Variants in KCNK5 observed in about 807,000 individuals in gnomAD.
KCNK5 encodes potassium channel subfamily K member 5.
A neutral mutation model predicts 32.9 loss-of-function variants in KCNK5; 18 were observed. That is an observed-to-expected ratio of 0.55 (90% confidence interval 0.38 to 0.81). KCNK5 has a LOEUF of 0.81. Ranked by LOEUF, KCNK5 falls within the 30% of genes least tolerant of loss-of-function variation. The pLI, the probability that KCNK5 is intolerant of heterozygous loss-of-function variation, is 0.00. For missense variants in KCNK5, 507 were observed against 651.0 expected (o/e 0.78, Z 2.41); for synonymous variants, 276 against 275.3 (o/e 1.00, Z -0.03).
chr6:39,209,399 C>T (rs1004254693), intron 1 of KCNK5, among the ~76,000 whole-genome samples: 1 of 152,194 alleles, frequency 6.6e-6, no homozygotes, highest in African/African-American at 2.4e-5. Flanking sequence ...TGCCCCCGCC[C>T]ACCATCCATC....
At chr6:39,223,973 G>A (rs1771605579) in intron 1 of KCNK5, among the ~76,000 whole-genome samples, 1 of 151,860 alleles carries the variant, frequency 6.6e-6, no homozygotes, top group Non-Finnish European at 1.5e-5. Context: ...CTATTACTGT[G>A]CCATCTGTAA....
chr6:39,216,893 G>A (rs1335388099), intron 1 of KCNK5, among the ~76,000 whole-genome samples: 1 of 151,972 alleles, frequency 6.6e-6, no homozygotes, highest in African/African-American at 2.4e-5. Flanking sequence ...AGGCTGAGGC[G>A]GGCAGATCAC....
rs147546812 is a variant in KCNK5 at position 39,195,787 on chromosome 6, A to G, written c.298+89T>C. Reference sequence around the variant, plus strand: ...CAACTGATCTGATTGTACCCCCAACAGGGCTGAGTGACCAGAGCTGGGTTT... The same window carrying G: ...CAACTGATCTGATTGTACCCCCAACGGGGCTGAGTGACCAGAGCTGGGTTT... On this transcript the variant is annotated intron_variant, in intron 2 of 4. Coordinates refer to ENST00000359534, the MANE Select transcript of KCNK5 (RefSeq NM_003740.4). 5.1e-4 allele frequency: 424 copies of G among 832,946 alleles called. 2 individuals are homozygous for G. In the African/African-American group the frequency reaches 5.8e-3, roughly 11 times the overall value. The allele number at this position is 832,946 out of a possible 1,614,324, so 51.6% of individuals were successfully genotyped here.
intron 1 of KCNK5, among the ~76,000 whole-genome samples, chr6:39,222,323 A>T (rs1189270733): frequency 1.3e-5 from 2 of 152,222 alleles, no homozygotes; most frequent in African/African-American, 4.8e-5. Flanking sequence ...GAAAACCCAC[A>T]CTACATCACA....
rs796101281 is a variant in KCNK5 at position 39,218,335 on chromosome 6, G to A, written c.186+10591C>T. ...CCACCCGCCTAGGCCTCCCGAAGTG[G>A]TGGGATTATAAGCATGAGCCACCAC... On this transcript the variant is annotated intron_variant, in intron 1 of 4. Transcript: ENST00000359534. Among the ~76,000 whole-genome samples, 11 of 152,242 alleles carry A rather than the reference G, an allele frequency of 7.2e-5. No individual in the cohort carries two copies. In the South Asian group the frequency reaches 2.3e-3, roughly 32 times the overall value.
In KCNK5 at chr6:39,202,618, A is replaced by G. The variant is rs560002780; in HGVS notation, c.187-6631T>C. Among the ~76,000 whole-genome samples the G allele has an allele frequency of 3.9e-3, 596 of 152,334 alleles. 3 individuals are homozygous for G. The highest frequency in any genetic ancestry group is 5.6e-3 in the South Asian group (27 of 4,830). On this transcript the variant is annotated intron_variant, in intron 1 of 4. Transcript: ENST00000359534. ...TCCCCTTGGGAAACTCCACGAGGGC[A>G]GTAAATGTACCGAGAGCAGGCAAAG... is the stretch of plus-strand genomic sequence containing the variant.
intron 1 of KCNK5, among the ~76,000 whole-genome samples, chr6:39,213,211 A>G (rs1247149384): frequency 6.6e-6 from 1 of 152,242 alleles, no homozygotes; most frequent in Non-Finnish European, 1.5e-5. Context: ...CCAGTGTGGA[A>G]GTGGGTAATG....
At chr6:39,193,065 A>AC (rs1289610675) in intron 4 of KCNK5, among the ~76,000 whole-genome samples, 1 of 152,222 alleles carries the variant, frequency 6.6e-6, no homozygotes, top group Non-Finnish European at 1.5e-5. Context: ...GCCAGGCCCT[A>AC]CCCTTAACAC....
Position 39,191,546 on chromosome 6 carries a change from T to C in KCNK5, c.844A>G (p.Ser282Gly). 6.2e-7 allele frequency: 1 copy of C among 1,613,966 alleles called. No individual in the cohort carries two copies. Among genetic ancestry groups the C allele is most frequent in the East Asian group, 2.2e-5 (1 of 44,846 alleles). ...ATGTTGACGTCCTTGGAGGCTGTGC[T>C]CCCCTTCACCTGCAGGGCCTTCCGG... ...HSRKALQVKG[S>G]TASKDVNIFS... Residue 282 changes from serine to glycine, a missense_variant, in exon 5 of 5, where the codon AGC (serine) becomes GGC (glycine). This residue lies in a region of KCNK5 where 42 missense variants were observed against 35.3 expected (regional missense o/e 1.19). Transcript: ENST00000359534. This position sits in a 1 kb window ranked among gnomAD's most constrained non-coding sequence, Gnocchi z 5.8.
chr6:39,195,872 T>A lies in KCNK5; in HGVS notation c.298+4A>T, dbSNP rs1476115967. ...GGGTGTCCTACAGGTCCCAGAAGAC[T>A]TACCAATGGTGGTAATGACGGTCGC... is the stretch of plus-strand genomic sequence containing the variant. On this transcript the variant is annotated splice_donor_region_variant and intron_variant, in intron 2 of 4. Transcript: ENST00000359534. 6.2e-7 allele frequency: 1 copy of A among 1,611,332 alleles called. No homozygotes were observed. Among genetic ancestry groups the A allele is most frequent in the East Asian group, 2.2e-5 (1 of 44,850 alleles).
At chr6:39,226,398 CG>C (rs1308243799) in intron 1 of KCNK5, among the ~76,000 whole-genome samples, 3 of 152,156 alleles carry the variant, frequency 2.0e-5, no homozygotes, top group African/African-American at 7.2e-5. Context: ...TCTGACAATT[CG>C]GGGGGTATTT....
In KCNK5 at chr6:39,218,328, C is replaced by T. The variant is rs150891564; in HGVS notation, c.186+10598G>A. The stretch of plus-strand genomic sequence containing the variant: ...TTGTGATCCACCCGCCTAGGCCTCC[C>T]GAAGTGGTGGGATTATAAGCATGAG... On this transcript the variant is annotated intron_variant, in intron 1 of 4. Coordinates refer to ENST00000359534, the MANE Select transcript of KCNK5 (RefSeq NM_003740.4). Among the ~76,000 whole-genome samples, 322 of 152,202 alleles carry T rather than the reference C, an allele frequency of 2.1e-3. 5 individuals are homozygous for T. Among genetic ancestry groups the T allele is most frequent in the African/African-American group, 7.0e-3 (291 of 41,524 alleles).
intron 1 of KCNK5, among the ~76,000 whole-genome samples, chr6:39,217,052 G>A (rs1348174259): frequency 4.2e-5 from 6 of 143,790 alleles, no homozygotes; most frequent in Non-Finnish European, 7.6e-5. Context: ...TCCGGGAGGC[G>A]GAGGTTGCAG....
chr6:39,209,028 T>C (rs1771280001), intron 1 of KCNK5, among the ~76,000 whole-genome samples: 2 of 151,138 alleles, frequency 1.3e-5, no homozygotes, highest in South Asian at 4.2e-4. Flanking sequence ...GAGATGGAGG[T>C]TGCAGTGAGC....
chr6:39,209,598 G>C (rs1771292125), intron 1 of KCNK5, among the ~76,000 whole-genome samples: 1 of 152,236 alleles, frequency 6.6e-6, no homozygotes, highest in African/African-American at 2.4e-5. Context: ...CAGGCAACAG[G>C]AAATGGAAAT....
rs532038790 is a variant in KCNK5, at chr6:39,191,353, A to G, written c.1037T>C (p.Val346Ala). ...GGTGGGCACCCGGTTCTTGGAGTAG[A>G]CTACCAGGGGCACCAGGGAAGGGGG... ...ALPPSLVPLV[V>A]YSKNRVPTLE... The change falls in exon 5 of 5, where the codon GTC becomes GCC. Residue 346 changes from valine to alanine, a missense_variant. Physicochemically the swap from Val to Ala is moderately conservative, Grantham distance 64. This residue lies in a region of KCNK5 where 252 missense variants were observed against 250.8 expected (regional missense o/e 1.00). Coordinates refer to ENST00000359534, the MANE Select transcript of KCNK5 (RefSeq NM_003740.4). This position sits in a 1 kb window ranked among gnomAD's most constrained non-coding sequence, Gnocchi z 5.8. The G allele has an allele frequency of 3.1e-6, 5 of 1,613,730 alleles. No homozygotes were observed. In the South Asian group the frequency reaches 4.4e-5, roughly 14 times the overall value.
rs1770934065 is a variant in KCNK5 at position 39,191,473 on chromosome 6, T to C, written c.917A>G (p.Lys306Arg). ...KKEETYNDLI[K>R]QIGKKAMKTS... Reference sequence around the variant, plus strand: ...CTTCATGGCCTTCTTCCCGATCTGCTTGATGAGGTCGTTGTAGGTCTCTTC... The same window carrying C: ...CTTCATGGCCTTCTTCCCGATCTGCCTGATGAGGTCGTTGTAGGTCTCTTC... Residue 306 changes from lysine (K) to arginine (R), a missense_variant, in exon 5 of 5, where the codon AAG (lysine) becomes AGG (arginine). Coordinates refer to ENST00000359534, the MANE Select transcript of KCNK5 (RefSeq NM_003740.4). The surrounding 1 kb of genome is among the most constrained non-coding windows in gnomAD (Gnocchi z 5.8). The C allele has an allele frequency of 6.2e-7, 1 of 1,613,570 alleles. No individual in the cohort carries two copies. Among genetic ancestry groups the C allele is most frequent in the Non-Finnish European group, 8.5e-7 (1 of 1,179,950 alleles).
chr6:39,194,765 G>A lies in KCNK5; in HGVS notation c.299-5C>T. ...TGGGAGCCACATTGCCATATCCTGA[G>A]GAAGGAGAGAGTGAGGCCAAGAACA... On this transcript the variant is annotated splice_region_variant and splice_polypyrimidine_tract_variant and intron_variant, in intron 2 of 4. Coordinates refer to ENST00000359534, the MANE Select transcript of KCNK5 (RefSeq NM_003740.4). The surrounding 1 kb of genome is among the most constrained non-coding windows in gnomAD (Gnocchi z 4.7). 6.2e-7 allele frequency: 1 copy of A among 1,613,744 alleles called. No individual in the cohort carries two copies. The highest frequency in any genetic ancestry group is 8.5e-7 in the Non-Finnish European group (1 of 1,179,840).
intron 1 of KCNK5, among the ~76,000 whole-genome samples, chr6:39,204,198 C>G (rs192271368): frequency 1.0e-3 from 152 of 152,368 alleles, no homozygotes; most frequent in Non-Finnish European, 1.9e-3. Flanking sequence ...GCTCTGATAT[C>G]TATCTGGAGT....
Sources: gnomAD v4.1 joint callset for allele counts (sites outside exome capture counted in the v4.1 genomes callset) on GRCh38, gnomAD v4.1.1 for gene constraint, gnomAD v4.1.1 regional missense constraint, Gnocchi (gnomAD v3.1) non-coding constraint, MANE v1.5 for transcripts, NCBI Gene and HGNC (gene_info 2026-07-23, HGNC 2026-07-21) for gene names.